NDRG4: variants seen among roughly 807,000 people sequenced by gnomAD.
The protein encoded by NDRG4 is protein NDRG4.
Under a neutral mutation model 55.8 loss-of-function variants are expected in NDRG4, and 38 were observed. That is an observed-to-expected ratio of 0.68 (90% CI 0.53 to 0.89). The LOEUF (loss-of-function observed/expected upper bound fraction) is 0.89. Ranked by LOEUF, NDRG4 falls within the 40% of genes least tolerant of loss-of-function variation. The probability of loss-of-function intolerance (pLI) is 0.00; values close to 1 mark genes in which losing one functional copy is unlikely to be tolerated. For synonymous variants in NDRG4, 190 were observed against 182.7 expected, an observed-to-expected ratio of 1.04 and a Z score of -0.32; for missense variants, 455 against 468.6, an observed-to-expected ratio of 0.97 and a Z score of 0.27.
chr16:58,471,464 G>T (rs2032811237), intron 1 of NDRG4, among the ~76,000 whole-genome samples: 1 of 152,058 alleles, frequency 6.6e-6, no homozygotes, highest in African/African-American at 2.4e-5. Context: ...TTTGCCCCCA[G>T]GGTAGTTGCG....
intron 14 of NDRG4, 116 bp downstream of exon 14, chr16:58,510,799 T>C (rs2038707085): frequency 1.0e-6 from 1 of 963,406 alleles, no homozygotes. Context: ...GGAACCTTCT[T>C]GTGTCCTGTT....
At chr16:58,482,461 C>T (rs977656750) in intron 1 of NDRG4, among the ~76,000 whole-genome samples, 7 of 152,158 alleles carry the variant, frequency 4.6e-5, no homozygotes, top group African/African-American at 7.2e-5. Flanking sequence ...TCTCACTGTG[C>T]AGCTGTGGGG....
chr16:58,497,917 A>G (rs2151752951), upstream of NDRG4, among the ~76,000 whole-genome samples: 1 of 152,226 alleles, frequency 6.6e-6, no homozygotes, highest in Non-Finnish European at 1.5e-5. Context: ...AAAGGCACAC[A>G]GTCCCTGCTT....
intron 1 of NDRG4, among the ~76,000 whole-genome samples, chr16:58,476,271 AG>A (rs1567571669): frequency 6.6e-6 from 1 of 152,228 alleles, no homozygotes; most frequent in East Asian, 1.9e-4. Flanking sequence ...GATAATTAGC[AG>A]TCTCTGCTGC....
At chr16:58,507,267 G>A (rs1434263775) in intron 8 of NDRG4, 3 of 537,056 alleles carry the variant, frequency 5.6e-6, no homozygotes, top group Admixed American at 6.3e-5. Flanking sequence ...GCTTGGGAAT[G>A]TTGGGGGTGT....
At chr16:58,499,594 C>T (rs1278118696), upstream of NDRG4, 2 of 153,188 alleles carry the variant, frequency 1.3e-5, no homozygotes, top group Admixed American at 1.3e-4. Context: ...AGCAGCAGCT[C>T]CCCAGGCCTC....
In NDRG4 at chr16:58,474,584, G is replaced by A. The variant is rs139946249; in HGVS notation, c.-24+10787G>A. ...AGCTGCTTCCTGCATTGCTTAGGTC[G>A]TCTGACACTCTGTGAATTTACTTAG... On this transcript the variant is annotated intron_variant, in intron 1 of 15. Coordinates refer to the NDRG4 transcript ENST00000258187. 5.9e-3 allele frequency among the ~76,000 whole-genome samples: 903 copies of A among 152,124 alleles called. 13 individuals carry two copies. Among genetic ancestry groups the A allele is most frequent in the African/African-American group, 0.02 (845 of 41,510 alleles).
At position 58,504,041 on chromosome 16, in the gene NDRG4, T is replaced by A; in HGVS notation, c.128-113T>A. The A allele has an allele frequency of 2.5e-6, 4 of 1,579,644 alleles. No homozygotes were observed. The South Asian group carries it at 4.5e-5, about 18-fold the overall frequency. On this transcript the variant is annotated intron_variant, in intron 2 of 14. Transcript: ENST00000570248. ...TGCCTTCGCCCTCCGGGCCTCCATTTCCCCGACGGACCCGAGGCTTACACT... is the reference window on the plus strand; with the variant it reads ...TGCCTTCGCCCTCCGGGCCTCCATTACCCCGACGGACCCGAGGCTTACACT...
chr16:58,507,834 C>A lies in NDRG4; in HGVS notation c.647C>A (p.Pro216His). ...CGCAGAGACCTGGACATTAACCGGCCTGGAACGGTGCCCAATGCCAAGACG... is the reference window on the plus strand; with the variant it reads ...CGCAGAGACCTGGACATTAACCGGCATGGAACGGTGCCCAATGCCAAGACG... ...NSRRDLDINR[P>H]GTVPNAKTLR... Residue 216 changes from proline to histidine, a missense_variant, in exon 9 of 15, where the codon CCT (proline) becomes CAT (histidine). Coordinates refer to ENST00000570248, the MANE Select transcript of NDRG4 (RefSeq NM_001242835.2). 1 of 1,614,018 alleles carries A rather than the reference C, an allele frequency of 6.2e-7. No individual in the cohort carries two copies.
upstream of NDRG4, among the ~76,000 whole-genome samples, chr16:58,495,199 T>G (rs1294791186): frequency 6.6e-6 from 1 of 151,144 alleles, no homozygotes. Flanking sequence ...CTAGGGGGAG[T>G]GAGAATGGAA....
upstream of NDRG4, chr16:58,499,071 C>T (rs1167572912): frequency 6.5e-6 from 1 of 152,714 alleles, no homozygotes; most frequent in African/African-American, 2.4e-5. Context: ...TCCTCTGCTT[C>T]CCTCTCTGGC....
chr16:58,469,510 T>G (rs2032359557), intron 1 of NDRG4, among the ~76,000 whole-genome samples: 1 of 152,066 alleles, frequency 6.6e-6, no homozygotes, highest in Non-Finnish European at 1.5e-5. Flanking sequence ...TAGGAACAAA[T>G]AAAGATGTGT....
chr16:58,485,346 C>A (rs945357116), intron 1 of NDRG4, among the ~76,000 whole-genome samples: 2 of 152,164 alleles, frequency 1.3e-5, no homozygotes, highest in African/African-American at 4.8e-5. Flanking sequence ...CTCTCTGCCC[C>A]CTTCCCCGCC....
chr16:58,500,885 C>T, intron 1 of NDRG4: 1 of 723,882 alleles, frequency 1.4e-6, no homozygotes, highest in Non-Finnish European at 1.9e-6. Flanking sequence ...GCCAGCCGGG[C>T]AGAGGCAAGG....
At position 58,509,164 on chromosome 16, in the gene NDRG4, C is replaced by G; in HGVS notation, c.788C>G (p.Ser263Cys). The G allele has an allele frequency of 6.2e-7, 1 of 1,614,044 alleles. No homozygotes were observed. The highest frequency in any genetic ancestry group is 1.3e-5 in the African/African-American group (1 of 75,056). The change falls in exon 12 of 15, where the codon TCT (serine) becomes TGT (cysteine). Residue 263 changes from serine (S) to cysteine (C), a missense_variant. Transcript: ENST00000570248. ...CTCTCTCCCTTGCAGATGGCAGACT[C>G]TGGAGGGCTGCCCCAGGTCACACAG... ...TTTTFLKMAD[S>C]GGLPQVTQPG...
chr16:58,488,462 C>T (rs762246930), intron 2 of NDRG4, among the ~76,000 whole-genome samples: 18 of 152,186 alleles, frequency 1.2e-4, no homozygotes, highest in Non-Finnish European at 2.4e-4. Flanking sequence ...CTCCCAGTGC[C>T]GTCATACTGG....
chr16:58,506,271 A>G (rs1567347713), intron 5 of NDRG4, 116 bp from the exon 6 acceptor site: 1 of 980,596 alleles, frequency 1.0e-6, no homozygotes, highest in East Asian at 2.4e-5. Context: ...GTGTGCATGC[A>G]CAGACCCGGC....
At chr16:58,504,065 C>G in intron 2 of NDRG4, 89 bp from the exon 3 acceptor site, 1 of 1,596,672 alleles carries the variant, frequency 6.3e-7, no homozygotes. Flanking sequence ...GAGGCTTACA[C>G]TTCTGCCTTG....
At chr16:58,502,388 C>CATT (rs2037285235) in intron 1 of NDRG4, among the ~76,000 whole-genome samples, 1 of 152,086 alleles carries the variant, frequency 6.6e-6, no homozygotes, top group Non-Finnish European at 1.5e-5. Flanking sequence ...CCCTAAGGCT[C>CATT]ATTACCTGGG....
Sources: gnomAD v4.1 joint callset for allele counts (sites outside exome capture counted in the v4.1 genomes callset) on GRCh38, gnomAD v4.1.1 for gene constraint, MANE v1.5 for transcripts, NCBI Gene and HGNC (gene_info 2026-07-23, HGNC 2026-07-21) for gene names.